Variants in STAB2 observed in about 807,000 individuals in gnomAD.
The protein encoded by STAB2 is stabilin 2.
Under a neutral mutation model 338.1 loss-of-function variants are expected in STAB2, and 288 were observed. The ratio of observed to expected loss-of-function variants is 0.85; its 90% CI spans 0.77 to 0.94. STAB2 has a LOEUF of 0.94. Among genes scored for constraint, STAB2 ranks in the 40% least tolerant of loss-of-function variants. STAB2 has a pLI of 0.00. For synonymous variants in STAB2, 1,202 were observed against 1,193.3 expected, an observed-to-expected ratio of 1.01 and a Z score of -0.15; for missense variants, 3,141 against 3,210.1, an observed-to-expected ratio of 0.98 and a Z score of 0.52.
chr12:103,636,499 T>C (rs1957550640), intron 6 of STAB2, among the ~76,000 whole-genome samples: 1 of 151,934 alleles, frequency 6.6e-6, no homozygotes. Context: ...GCTCACCTCC[T>C]ATAATGAAAC....
At chr12:103,675,820 A>C (rs1025173316) in intron 23 of STAB2, 108 bp from the exon 24 acceptor site, 30 of 798,466 alleles carry the variant, frequency 3.8e-5, no homozygotes, top group Non-Finnish European at 5.6e-5. Flanking sequence ...CCACAGGAGC[A>C]AAGGATGGAG....
chr12:103,695,535 G>A lies in STAB2; in HGVS notation c.3376-15G>A, dbSNP rs746498697. Reference sequence around the variant, plus strand: ...CCAAAACATGCTAACAGGATTCTGGGGTTTCTTTTTTCAGGTGCTGGTCCC... The same window carrying A: ...CCAAAACATGCTAACAGGATTCTGGAGTTTCTTTTTTCAGGTGCTGGTCCC... On this transcript the variant is annotated splice_polypyrimidine_tract_variant and intron_variant, in intron 31 of 68. Transcript: ENST00000388887. 8.7e-6 allele frequency: 14 copies of A among 1,613,802 alleles called. No homozygotes were observed. In the African/African-American group the frequency reaches 1.7e-4, roughly 20 times the overall value.
At chr12:103,606,470 T>C (rs148399795) in intron 3 of STAB2, among the ~76,000 whole-genome samples, 6 of 152,228 alleles carry the variant, frequency 3.9e-5, no homozygotes, top group Non-Finnish European at 5.9e-5. Flanking sequence ...GATACAGATT[T>C]GTATCTGGTA....
At chr12:103,683,948 G>A (rs925878531) in intron 26 of STAB2, among the ~76,000 whole-genome samples, 6 of 152,170 alleles carry the variant, frequency 3.9e-5, no homozygotes, top group African/African-American at 1.4e-4. Context: ...TAAATTTGCT[G>A]GGAGGACCCC....
chr12:103,693,509 A>G (rs1878133901), intron 31 of STAB2, among the ~76,000 whole-genome samples: 1 of 123,084 alleles, frequency 8.1e-6, no homozygotes, highest in African/African-American at 3.0e-5. Context: ...GATGGGATAT[A>G]ATCAAGAACT....
chr12:103,664,090 A>G (rs4497503), intron 18 of STAB2, among the ~76,000 whole-genome samples: 84,645 of 152,062 alleles, frequency 0.56, 24,660 homozygotes, highest in East Asian at 0.8. Flanking sequence ...TCCTATTTCC[A>G]TAGCAACTTT....
chr12:103,637,463 A>T (rs1010273799), intron 7 of STAB2, among the ~76,000 whole-genome samples: 5 of 152,206 alleles, frequency 3.3e-5, no homozygotes, highest in African/African-American at 9.6e-5. Flanking sequence ...TATCACCTTA[A>T]TCAATGTTAG....
rs1407123310 is a variant in STAB2, at chr12:103,666,362, G to A, written c.2085+9G>A. 6.2e-7 allele frequency: 1 copy of A among 1,614,168 alleles called. No homozygotes were observed. The highest frequency in any genetic ancestry group is 1.1e-5 in the South Asian group (1 of 91,068). ...CTAACTCTGAGCCCACAGTGAGTGTGACAGCTTCATGAAAGCACAGATCAC... is the reference window on the plus strand; with the variant it reads ...CTAACTCTGAGCCCACAGTGAGTGTAACAGCTTCATGAAAGCACAGATCAC... On this transcript the variant is annotated intron_variant, in intron 19 of 68. Transcript: ENST00000388887.
chr12:103,590,787 G>A (rs575986844), intron 1 of STAB2, 110 bp from the exon 2 acceptor site: 54 of 1,309,244 alleles, frequency 4.1e-5, no homozygotes, highest in Middle Eastern at 5.0e-4. Context: ...CATCCCTGAC[G>A]TTCCATTGAG....
chr12:103,763,654 G>A, intron 68 of STAB2, 46 bp downstream of exon 68: 1 of 1,509,152 alleles, frequency 6.6e-7, no homozygotes, highest in Non-Finnish European at 9.1e-7. Flanking sequence ...TGGGGTACAG[G>A]GGAATGATGT....
intron 3 of STAB2, among the ~76,000 whole-genome samples, chr12:103,615,329 C>T (rs569320024): frequency 1.3e-5 from 2 of 152,082 alleles, no homozygotes; most frequent in East Asian, 3.9e-4. Context: ...CAGGTCTGAC[C>T]CTTGTGAACA....
intron 25 of STAB2, among the ~76,000 whole-genome samples, chr12:103,680,480 G>T (rs916449239): frequency 1.3e-5 from 2 of 152,166 alleles, no homozygotes; most frequent in African/African-American, 4.8e-5. Flanking sequence ...CTGGGGTGAG[G>T]GATGACCTCC....
intron 39 of STAB2, among the ~76,000 whole-genome samples, chr12:103,710,157 C>G: frequency 6.6e-6 from 1 of 152,150 alleles, no homozygotes; most frequent in East Asian, 1.9e-4. Context: ...TTTTTCACCC[C>G]AGCTCCTCCC....
At position 103,695,749 on chromosome 12, in the gene STAB2, G is replaced by A. The variant is rs867004348; in HGVS notation, c.3487G>A (p.Ala1163Thr). 1 of 1,613,846 alleles carries A rather than the reference G, an allele frequency of 6.2e-7. No individual in the cohort carries two copies. The highest frequency in any genetic ancestry group is 1.3e-5 in the African/African-American group (1 of 74,886). The stretch of plus-strand genomic sequence containing the variant: ...CTTTCCATCGCAGCAATATAATCTG[G>A]CGAATGCAATTGAGGCTGCCGATGC... Reference protein sequence around the residue: ...FRGYIIQYNLANAIEAADAYT... With the variant: ...FRGYIIQYNLTNAIEAADAYT... Residue 1163 changes from alanine (A) to threonine (T), a missense_variant, in exon 33 of 69, where the codon GCG (alanine) becomes ACG (threonine). Coordinates refer to ENST00000388887, the MANE Select transcript of STAB2 (RefSeq NM_017564.10).
rs142596411 is a variant in STAB2 at position 103,645,958 on chromosome 12, T to C, written c.1041-2732T>C. On this transcript the variant is annotated intron_variant, in intron 9 of 68. Coordinates refer to ENST00000388887, the MANE Select transcript of STAB2 (RefSeq NM_017564.10). ...ATAAAAACCCCAAAGGCTTCATCAGTAAATGATCCCCCAAGTGTTTGTCCA... is the reference window on the plus strand; with the variant it reads ...ATAAAAACCCCAAAGGCTTCATCAGCAAATGATCCCCCAAGTGTTTGTCCA... Among the ~76,000 whole-genome samples the C allele has an allele frequency of 4.6e-3, 704 of 152,278 alleles. 5 individuals carry two copies. The highest frequency in any genetic ancestry group is 0.016 in the African/African-American group (666 of 41,558).
chr12:103,750,173 A>G (rs1236071377), intron 59 of STAB2, among the ~76,000 whole-genome samples: 1 of 152,238 alleles, frequency 6.6e-6, no homozygotes, highest in Non-Finnish European at 1.5e-5. Flanking sequence ...GGTTACAACA[A>G]AAAGACAGAG....
At position 103,766,493 on chromosome 12, in the gene STAB2, G is replaced by C; in HGVS notation, c.*157G>C. The C allele has an allele frequency of 1.2e-6, 1 of 835,774 alleles. No individual in the cohort carries two copies. The allele number at this position is 835,774 out of a possible 1,614,324, so 51.8% of individuals were successfully genotyped here. ...TGATCTGGGGGTTGTTTCTGTGGGTGAGAGATGTGTTGCTGTGCCCACCCA... is the reference window on the plus strand; with the variant it reads ...TGATCTGGGGGTTGTTTCTGTGGGTCAGAGATGTGTTGCTGTGCCCACCCA... On this transcript the variant is annotated 3_prime_UTR_variant, in exon 69 of 69. Coordinates refer to ENST00000388887, the MANE Select transcript of STAB2 (RefSeq NM_017564.10).
Position 103,650,996 on chromosome 12 carries a change from T to A in STAB2, c.1257+418T>A, listed in dbSNP as rs143389489. Among the ~76,000 whole-genome samples the A allele has an allele frequency of 4.5e-3, 682 of 152,304 alleles. 4 individuals carry two copies. The highest frequency in any genetic ancestry group is 0.014 in the East Asian group (73 of 5,190). On this transcript the variant is annotated intron_variant, in intron 11 of 68. Coordinates refer to ENST00000388887, the MANE Select transcript of STAB2 (RefSeq NM_017564.10). Reference sequence around the variant, plus strand: ...GTATTAGCTAGATATGTGGGTTTTTTAAATCATTATAAATGGTACAAGCGA... The same window carrying A: ...GTATTAGCTAGATATGTGGGTTTTTAAAATCATTATAAATGGTACAAGCGA...
intron 67 of STAB2, 137 bp downstream of exon 67, chr12:103,762,539 C>A: frequency 7.5e-7 from 1 of 1,334,674 alleles, no homozygotes; most frequent in Non-Finnish European, 1.0e-6. Flanking sequence ...GGGGCGGCCA[C>A]CCACCCCACG....
Sources: allele counts gnomAD v4.1 joint callset (sites outside exome capture counted in the v4.1 genomes callset), GRCh38; gene constraint gnomAD v4.1.1; transcripts MANE v1.5; gene names NCBI Gene and HGNC (gene_info 2026-07-23, HGNC 2026-07-21).